MLXIP: variants seen among roughly 807,000 people sequenced by gnomAD.
MLXIP encodes the protein MLX-interacting protein.
In MLXIP, 30 loss-of-function variants were observed where a neutral mutation model predicts 87.2. That is an observed-to-expected ratio of 0.34 (90% CI 0.26 to 0.47). The LOEUF (loss-of-function observed/expected upper bound fraction) is 0.47. Among genes scored for constraint, MLXIP ranks in the 20% least tolerant of loss-of-function variants. MLXIP has a pLI of 1.00. For synonymous variants in MLXIP, 530 were observed against 514.0 expected, an observed-to-expected ratio of 1.03 and a Z score of -0.42; for missense variants, 1,002 against 1,240.1, an observed-to-expected ratio of 0.81 and a Z score of 2.88.
chr12:122,133,523 G>A lies in MLXIP; in HGVS notation c.1268G>A (p.Ser423Asn), dbSNP rs751988909. ...TDFGPSEPPLSVPQPFLPVFT... is the reference protein window; with the variant it reads ...TDFGPSEPPLNVPQPFLPVFT... ...TTCGGTCCCTCAGAGCCGCCACTGA[G>A]TGTCCCGCAGCCCTTCCTCCCTGTC... Residue 423 changes from serine (S) to asparagine (N), a missense_variant, in exon 9 of 17, where the codon AGT becomes AAT. Ser to Asn is a conservative substitution (Grantham distance 46, BLOSUM62 1). Transcript: ENST00000319080. The surrounding 1 kb of genome is among the most constrained non-coding windows in gnomAD (Gnocchi z 4.9). The A allele has an allele frequency of 6.2e-7, 1 of 1,610,962 alleles. No individual in the cohort carries two copies. Among genetic ancestry groups the A allele is most frequent in the Non-Finnish European group, 8.5e-7 (1 of 1,178,790 alleles).
chr12:122,129,360 G>A (rs542657047), intron 4 of MLXIP, 134 bp downstream of exon 4: 17 of 944,218 alleles, frequency 1.8e-5, no homozygotes, highest in Non-Finnish European at 2.8e-5. Context: ...TAAATCTGGG[G>A]CCCAGCGTGC....
intron 1 of MLXIP, among the ~76,000 whole-genome samples, chr12:122,103,693 TA>T (rs1264200347): frequency 0.031 from 4,602 of 149,296 alleles, 133 homozygotes; most frequent in Admixed American, 0.095. Context: ...CTAATTTTTG[TA>T]TTTTTTTTTT....
At chr12:122,132,163 C>G in intron 7 of MLXIP, 129 bp from the exon 8 acceptor site, 2 of 645,360 alleles carry the variant, frequency 3.1e-6, no homozygotes, top group Non-Finnish European at 5.6e-6. Context: ...ACCTCATGAT[C>G]TGCCTACCTC....
At chr12:122,093,870 G>C (rs1952294692) in intron 1 of MLXIP, among the ~76,000 whole-genome samples, 1 of 139,080 alleles carries the variant, frequency 7.2e-6, no homozygotes. Flanking sequence ...TGGTGTGTGG[G>C]GTGTGTTGGT....
At chr12:122,085,744 T>G (rs1284163334) in intron 1 of MLXIP, among the ~76,000 whole-genome samples, 1 of 152,082 alleles carries the variant, frequency 6.6e-6, no homozygotes, top group African/African-American at 2.4e-5. Context: ...GACATTGGCG[T>G]GGAGTGGGAC....
At chr12:122,111,348 G>A (rs1952603828) in intron 1 of MLXIP, among the ~76,000 whole-genome samples, 1 of 152,174 alleles carries the variant, frequency 6.6e-6, no homozygotes, top group African/African-American at 2.4e-5. Flanking sequence ...TGTGTACTCT[G>A]GCTAGAGAAT....
chr12:122,109,031 C>T (rs1952563270), intron 1 of MLXIP, among the ~76,000 whole-genome samples: 1 of 152,178 alleles, frequency 6.6e-6, no homozygotes, highest in Non-Finnish European at 1.5e-5. Flanking sequence ...CTTCCGGGCT[C>T]AAGTGATTCT....
At chr12:122,128,453 T>C (rs10847689) in intron 3 of MLXIP, 32,579 of 162,400 alleles carry the variant, frequency 0.2, 3,420 homozygotes, top group East Asian at 0.26. Flanking sequence ...AAGACAGTTT[T>C]GAGACAGGTA....
Position 122,133,870 on chromosome 12 carries a change from G to T in MLXIP, c.1615G>T (p.Val539Leu), listed in dbSNP as rs34702867. 11,339 of 1,612,492 alleles carry T rather than the reference G, an allele frequency of 7.0e-3. 603 individuals carry two copies. In the African/African-American group the frequency reaches 0.13, roughly 18 times the overall value. Residue 539 changes from valine to leucine, a missense_variant, in exon 9 of 17, where the codon GTG becomes TTG. Val to Leu is a conservative substitution (Grantham distance 32). Coordinates refer to ENST00000319080, the MANE Select transcript of MLXIP (RefSeq NM_014938.6). This position sits in a 1 kb window ranked among gnomAD's most constrained non-coding sequence, Gnocchi z 4.9. ...GCCTCCCCAGCCACGGTTAACTTTT[G>T]TGCACCCCAAACCTGTATCCTTGAC... ...TRPPQPRLTF[V>L]HPKPVSLTGG...
intron 1 of MLXIP, among the ~76,000 whole-genome samples, chr12:122,093,026 G>T (rs1287552188): frequency 1.4e-5 from 2 of 141,500 alleles, no homozygotes; most frequent in Non-Finnish European, 3.1e-5. Context: ...CTGTGTATAT[G>T]TATGTGTGGT....
chr12:122,121,187 T>G (rs896280069), intron 1 of MLXIP, among the ~76,000 whole-genome samples: 18 of 151,752 alleles, frequency 1.2e-4, no homozygotes, highest in African/African-American at 4.4e-4. Flanking sequence ...TTTTTGTATT[T>G]TTAGTAGAGA....
rs148473911 is a variant in MLXIP, at chr12:122,098,380, G to A, written c.413+19114G>A. Among the ~76,000 whole-genome samples the A allele has an allele frequency of 5.9e-5, 9 of 152,356 alleles. No individual in the cohort carries two copies. In the East Asian group the frequency reaches 1.7e-3, roughly 29 times the overall value. On this transcript the variant is annotated intron_variant, in intron 1 of 16. Coordinates refer to ENST00000319080, the MANE Select transcript of MLXIP (RefSeq NM_014938.6). ...CCCCCGCTGAGCAACTCAGATTGAG[G>A]TTGGGGTGTGCTGCCCTCCCAGACG... is the stretch of plus-strand genomic sequence containing the variant.
intron 1 of MLXIP, among the ~76,000 whole-genome samples, chr12:122,094,251 G>A (rs994630823): frequency 3.7e-5 from 5 of 135,336 alleles, no homozygotes; most frequent in African/African-American, 1.4e-4. Context: ...TGGTATTGGT[G>A]TGTGTGTTGG....
Position 122,146,155 on chromosome 12 carries a change from A to G in MLXIP, c.*4343A>G, listed in dbSNP as rs1377690095. On this transcript the variant is annotated 3_prime_UTR_variant, in exon 17 of 17. Transcript: ENST00000319080. ...GCAGCGTGTGCAGCAGTGGCCAGCC[A>G]GAGTGCCAAAGATGCACGGGGATGT... is the stretch of plus-strand genomic sequence containing the variant. 6.6e-6 allele frequency: 1 copy of G among 152,526 alleles called. No individual in the cohort carries two copies. Among genetic ancestry groups the G allele is most frequent in the African/African-American group, 2.4e-5 (1 of 41,470 alleles). The allele number at this position is 152,526 out of a possible 1,614,324, so 9.4% of individuals were successfully genotyped here.
intron 1 of MLXIP, among the ~76,000 whole-genome samples, chr12:122,126,060 G>T (rs1345102768): frequency 6.6e-6 from 1 of 152,172 alleles, no homozygotes; most frequent in Non-Finnish European, 1.5e-5. Flanking sequence ...CTCCACAGCC[G>T]CACTGTGATA....
At position 122,140,737 on chromosome 12, in the gene MLXIP, C is replaced by T. The variant is rs112346896; in HGVS notation, c.2509-217C>T. The T allele has an allele frequency of 2.3e-3, 1,615 of 689,042 alleles. 16 individuals carry two copies. The African/African-American group carries it at 0.024, about 10-fold the overall frequency. The allele number at this position is 689,042 out of a possible 1,614,324, so 42.7% of individuals were successfully genotyped here. On this transcript the variant is annotated intron_variant, in intron 15 of 16. Coordinates refer to ENST00000319080, the MANE Select transcript of MLXIP (RefSeq NM_014938.6). ...GTCCCCTGCCTGCTCGGTGCTTGAG[C>T]GGCCCTGTTGTCCAGGTACAGTTAG... is the stretch of plus-strand genomic sequence containing the variant.
chr12:122,079,047 C>T lies in MLXIP; in HGVS notation c.194C>T (p.Pro65Leu). The T allele has an allele frequency of 4.7e-6, 7 of 1,491,530 alleles. No individual in the cohort carries two copies. The highest frequency in any genetic ancestry group is 6.2e-6 in the Non-Finnish European group (7 of 1,122,908). 92.4% of individuals were successfully genotyped at this position (1,491,530 alleles called of 1,614,324 possible). The part of the protein sequence containing the change: ...SAAPPPPRAG[P>L]GREEPPRRQQ... ...GCGCCACCGCCGCCTCGGGCCGGGC[C>T]GGGCCGCGAGGAACCTCCGCGCCGC... Residue 65 changes from proline to leucine, a missense_variant, in exon 1 of 17, where the codon CCG becomes CTG. Pro to Leu is a moderately conservative substitution (Grantham distance 98). Transcript: ENST00000319080.
intron 1 of MLXIP, among the ~76,000 whole-genome samples, chr12:122,112,520 G>A (rs1366773160): frequency 1.3e-5 from 2 of 151,974 alleles, no homozygotes; most frequent in Admixed American, 6.6e-5. Flanking sequence ...GGTGGCGGGC[G>A]CCTGTAGTCC....
At chr12:122,091,304 C>T (rs1952241709) in intron 1 of MLXIP, among the ~76,000 whole-genome samples, 1 of 152,142 alleles carries the variant, frequency 6.6e-6, no homozygotes, top group Non-Finnish European at 1.5e-5. Context: ...GGGAAAGTGA[C>T]CTCCTTGGAG....
Sources: gnomAD v4.1 joint callset for allele counts (sites outside exome capture counted in the v4.1 genomes callset) on GRCh38, gnomAD v4.1.1 for gene constraint, Gnocchi (gnomAD v3.1) non-coding constraint, MANE v1.5 for transcripts, NCBI Gene and HGNC (gene_info 2026-07-23, HGNC 2026-07-21) for gene names.